The following RYR2 variants were observed in gnomAD, a reference collection of about 807,000 sequenced individuals.
RYR2 encodes cardiac muscle ryanodine receptor-calcium release channel.
In RYR2, 227 loss-of-function variants were observed where a neutral mutation model predicts 601.1. The observed-to-expected ratio is 0.38, with a 90% confidence interval of 0.34 to 0.42. The LOEUF (loss-of-function observed/expected upper bound fraction) is 0.42, where lower values mean the gene tolerates loss of function less well. RYR2 is among the 10% of genes least tolerant of loss of function. RYR2 has a pLI of 1.00. For missense variants in RYR2, 4,646 were observed against 6,156.5 expected (o/e 0.75, Z 8.21); for synonymous variants, 2,223 against 2,175.1 (o/e 1.02, Z -0.61).
intron 44 of RYR2, 128 bp from the exon 45 acceptor site, chr1:237,638,229 C>A: frequency 1.7e-6 from 2 of 1,187,480 alleles, no homozygotes; most frequent in Non-Finnish European, 2.4e-6. Context: ...ATCATGAGAG[C>A]AAAAAGAATT....
intron 1 of RYR2, among the ~76,000 whole-genome samples, chr1:237,171,771 C>T (rs1043240136): frequency 2.6e-5 from 4 of 152,154 alleles, no homozygotes; most frequent in Admixed American, 1.3e-4. Context: ...CTCATTGCTT[C>T]CTATTTTTGC....
At chr1:237,087,254 A>C (rs1284515422) in intron 1 of RYR2, among the ~76,000 whole-genome samples, 1 of 152,078 alleles carries the variant, frequency 6.6e-6, no homozygotes, top group Non-Finnish European at 1.5e-5. Context: ...GTCTTCACTC[A>C]CTGGGCTTGG....
intron 27 of RYR2, among the ~76,000 whole-genome samples, chr1:237,559,942 A>G (rs990382242): frequency 6.6e-6 from 1 of 152,222 alleles, no homozygotes; most frequent in African/African-American, 2.4e-5. Context: ...GGTAGGACAG[A>G]GACTTCTTTA....
At chr1:237,130,502 A>G (rs1672044552) in intron 1 of RYR2, among the ~76,000 whole-genome samples, 1 of 152,168 alleles carries the variant, frequency 6.6e-6, no homozygotes, top group South Asian at 2.1e-4. Flanking sequence ...TCATGAGGTC[A>G]GGAGTTCGAG....
At position 237,831,707 on chromosome 1, in the gene RYR2, A is replaced by T. The variant is rs1663810798; in HGVS notation, c.14808+142A>T. ...GGTATCTTGATGTAAAGTTCCTGTT[A>T]TGTTGAATGAGTATGGAAAAGATTG... On this transcript the variant is annotated intron_variant, in intron 104 of 104. Transcript: ENST00000366574. 11 of 588,992 alleles carry T rather than the reference A, an allele frequency of 1.9e-5. No individual in the cohort carries two copies. In the South Asian group the frequency reaches 2.5e-4, roughly 13 times the overall value. 36.5% of individuals were successfully genotyped at this position (588,992 alleles called of 1,614,324 possible).
At chr1:237,413,788 G>A (rs1704671380) in intron 10 of RYR2, among the ~76,000 whole-genome samples, 1 of 151,418 alleles carries the variant, frequency 6.6e-6, no homozygotes, top group Admixed American at 6.6e-5. Context: ...ATTTTCTGTT[G>A]GTTTATTTTG....
chr1:237,610,823 G>A lies in RYR2; in HGVS notation c.4745G>A (p.Cys1582Tyr), dbSNP rs1677767017. ...KSEHKNPVPQ[C>Y]PPRLHVQFLS... is the part of the protein sequence containing the mutation. ...GAGCACAAGAACCCCGTGCCGCAGT[G>A]CCCCCCGCGCCTCCACGTGCAGTTC... The change falls in exon 36 of 105, where the codon TGC (cysteine) becomes TAC (tyrosine). Residue 1582 changes from cysteine (C) to tyrosine (Y), a missense_variant. Coordinates refer to ENST00000366574, the MANE Select transcript of RYR2 (RefSeq NM_001035.3). The surrounding 1 kb of genome is among the most constrained non-coding windows in gnomAD (Gnocchi z 4.9). 6.2e-7 allele frequency: 1 copy of A among 1,612,152 alleles called. No individual in the cohort carries two copies. Among genetic ancestry groups the A allele is most frequent in the Non-Finnish European group, 8.5e-7 (1 of 1,179,292 alleles).
intron 24 of RYR2, among the ~76,000 whole-genome samples, chr1:237,522,526 A>G (rs2147870932): frequency 1.3e-5 from 2 of 152,314 alleles, no homozygotes; most frequent in South Asian, 4.1e-4. Flanking sequence ...TACTCCCAGT[A>G]TAGAAGCTTT....
chr1:237,340,262 C>T lies in RYR2; in HGVS notation c.273+9280C>T, dbSNP rs138108331. 7.7e-4 allele frequency among the ~76,000 whole-genome samples: 117 copies of T among 152,288 alleles called. 1 individual carries two copies. In the East Asian group the frequency reaches 0.015, roughly 20 times the overall value. Reference sequence around the variant, plus strand: ...AAATAGAAAGCGCATGTCCATTCTCCACCTGTCTCATTCGTACAGTGTTCA... The same window carrying T: ...AAATAGAAAGCGCATGTCCATTCTCTACCTGTCTCATTCGTACAGTGTTCA... On this transcript the variant is annotated intron_variant, in intron 3 of 104. Transcript: ENST00000366574.
At chr1:237,441,577 C>A in intron 13 of RYR2, 94 bp downstream of exon 13, 1 of 1,208,920 alleles carries the variant, frequency 8.3e-7, no homozygotes, top group Non-Finnish European at 1.1e-6. Flanking sequence ...TTTTAGTCAC[C>A]TGCAAAAGTT....
At chr1:237,312,325 T>C (rs1694657435) in intron 2 of RYR2, among the ~76,000 whole-genome samples, 1 of 152,228 alleles carries the variant, frequency 6.6e-6, no homozygotes, top group Admixed American at 6.5e-5. Context: ...TGTTAGAACC[T>C]GAATATAAAA....
At position 237,628,598 on chromosome 1, in the gene RYR2, A is replaced by G. The variant is rs562023437; in HGVS notation, c.6440+518A>G. 4.6e-5 allele frequency among the ~76,000 whole-genome samples: 7 copies of G among 152,222 alleles called. No individual in the cohort carries two copies. The East Asian group carries it at 1.4e-3, about 29-fold the overall frequency. On this transcript the variant is annotated intron_variant, in intron 41 of 104. Coordinates refer to ENST00000366574, the MANE Select transcript of RYR2 (RefSeq NM_001035.3). ...GTATTCCATGGTGTATATGTGCCAC[A>G]TTTTAGAGATAGAAACAAAAGCTAA... is the stretch of plus-strand genomic sequence containing the variant.
chr1:237,055,690 G>C (rs1375537090), intron 1 of RYR2, among the ~76,000 whole-genome samples: 1 of 152,174 alleles, frequency 6.6e-6, no homozygotes, highest in African/African-American at 2.4e-5. Flanking sequence ...TTTATTTTGA[G>C]ATATGTTATG....
At chr1:237,110,416 TC>T (rs1274729824) in intron 1 of RYR2, among the ~76,000 whole-genome samples, 1 of 66,118 alleles carries the variant, frequency 1.5e-5, no homozygotes, top group Non-Finnish European at 3.0e-5. Flanking sequence ...CCCTCCCCCC[TC>T]CCCCCATCCC....
chr1:237,643,389 C>T lies in RYR2; in HGVS notation c.7284C>T (p.Pro2428=), dbSNP rs563608396. ...GGTCCATTTTGAGATCCCTCATTCC[C>T]CTGGGAGATTTGGTGGGCGTTATCA... ...RIRSILRSLI[P]LGDLVGVISI... The change falls in exon 48 of 105, where the codon CCC becomes CCT. Residue 2428 remains proline, a synonymous_variant. Coordinates refer to ENST00000366574, the MANE Select transcript of RYR2 (RefSeq NM_001035.3). 3.7e-6 allele frequency: 6 copies of T among 1,613,758 alleles called. 1 individual carries two copies. In the Admixed American group the frequency reaches 6.7e-5, roughly 18 times the overall value.
At chr1:237,733,653 A>G in intron 78 of RYR2, 52 bp from the exon 79 acceptor site, 1 of 1,195,632 alleles carries the variant, frequency 8.4e-7, no homozygotes, top group East Asian at 2.3e-5. Flanking sequence ...ATACGTGTGC[A>G]TGTGCCTAGC....
intron 10 of RYR2, among the ~76,000 whole-genome samples, chr1:237,408,516 C>A (rs1364456703): frequency 6.6e-6 from 1 of 151,562 alleles, no homozygotes; most frequent in Non-Finnish European, 1.5e-5. Flanking sequence ...TCTAGGCTCT[C>A]TATTCTGTTC....
intron 64 of RYR2, among the ~76,000 whole-genome samples, chr1:237,699,577 T>C (rs894589394): frequency 7.2e-5 from 11 of 152,216 alleles, no homozygotes; most frequent in African/African-American, 2.7e-4. Context: ...TTAGTTTATA[T>C]CTAGGATAAA....
chr1:237,734,722 C>G (rs1690989119), intron 79 of RYR2, among the ~76,000 whole-genome samples: 1 of 152,210 alleles, frequency 6.6e-6, no homozygotes, highest in African/African-American at 2.4e-5. Context: ...ACTGAGATGG[C>G]TGCACCAGAA....
Sources: gnomAD v4.1 joint callset for allele counts (sites outside exome capture counted in the v4.1 genomes callset) on GRCh38, gnomAD v4.1.1 for gene constraint, Gnocchi (gnomAD v3.1) non-coding constraint, MANE v1.5 for transcripts, NCBI Gene and HGNC (gene_info 2026-07-23, HGNC 2026-07-21) for gene names.